The following PNPT1 variants were observed in gnomAD, a reference collection of about 807,000 sequenced individuals.
PNPT1 encodes polyribonucleotide nucleotidyltransferase 1, mitochondrial.
A neutral mutation model predicts 119.5 loss-of-function variants in PNPT1; 53 were observed. That is an observed-to-expected ratio of 0.44 (90% CI 0.36 to 0.56). The LOEUF is 0.56. Among genes scored for constraint, PNPT1 ranks in the 20% least tolerant of loss-of-function variants. PNPT1 has a pLI of 0.00. For synonymous variants in PNPT1, 357 were observed against 322.1 expected (o/e 1.11, Z -1.16); for missense variants, 948 against 938.5 (o/e 1.01, Z -0.13).
In PNPT1 at chr2:55,690,961, G is replaced by C. The variant is rs79201189; in HGVS notation, c.161+2702C>G. ...TAAGTAATGGTTTCATGAGGCAAATGTAAATCTGACATCTTGAAATTTTGT... is the reference window on the plus strand; with the variant it reads ...TAAGTAATGGTTTCATGAGGCAAATCTAAATCTGACATCTTGAAATTTTGT... On this transcript the variant is annotated intron_variant, in intron 1 of 27. Coordinates refer to ENST00000447944, the MANE Select transcript of PNPT1 (RefSeq NM_033109.5). Among the ~76,000 whole-genome samples, 69 of 152,320 alleles carry C rather than the reference G, an allele frequency of 4.5e-4. 1 individual carries two copies. In the East Asian group the frequency reaches 9.8e-3, roughly 22 times the overall value.
intron 8 of PNPT1, among the ~76,000 whole-genome samples, chr2:55,676,744 C>T (rs1697084695): frequency 6.6e-6 from 1 of 151,976 alleles, no homozygotes; most frequent in Admixed American, 6.6e-5. Context: ...CGCCTGTAAT[C>T]CCAGCTACTC....
intron 13 of PNPT1, among the ~76,000 whole-genome samples, chr2:55,662,445 G>A (rs1048479095): frequency 2.0e-5 from 3 of 152,198 alleles, no homozygotes; most frequent in African/African-American, 7.2e-5. Flanking sequence ...GGGAGGCTGA[G>A]GCGGGCAGAT....
At chr2:55,685,916 A>C (rs976310172) in intron 3 of PNPT1, among the ~76,000 whole-genome samples, 1 of 152,240 alleles carries the variant, frequency 6.6e-6, no homozygotes, top group African/African-American at 2.4e-5. Context: ...AATAGTTTTT[A>C]TACCGTATTG....
At chr2:55,643,871 T>A (rs1338349293) in intron 23 of PNPT1, among the ~76,000 whole-genome samples, 13 of 152,186 alleles carry the variant, frequency 8.5e-5, no homozygotes. Flanking sequence ...ATGAAGGAAT[T>A]CATTCATCAA....
chr2:55,684,920 A>ACG, intron 4 of PNPT1, 23 bp downstream of exon 4: 1 of 1,502,696 alleles, frequency 6.7e-7, no homozygotes, highest in Non-Finnish European at 9.0e-7. Context: ...GAGAAGATGA[A>ACG]CGCCTCTATG....
chr2:55,665,174 G>A (rs1015736323), intron 13 of PNPT1, among the ~76,000 whole-genome samples: 4 of 152,256 alleles, frequency 2.6e-5, no homozygotes, highest in South Asian at 2.1e-4. Context: ...CTATCATATG[G>A]TGACATCACA....
chr2:55,665,585 A>C (rs1408390867), intron 13 of PNPT1, among the ~76,000 whole-genome samples: 1 of 152,240 alleles, frequency 6.6e-6, no homozygotes, highest in African/African-American at 2.4e-5. Flanking sequence ...ATATGGACAG[A>C]AAATTCATAA....
At chr2:55,672,511 G>C (rs1279305805) in intron 9 of PNPT1, among the ~76,000 whole-genome samples, 1 of 152,164 alleles carries the variant, frequency 6.6e-6, no homozygotes, top group Non-Finnish European at 1.5e-5. Flanking sequence ...CATTTACTGA[G>C]TGTCTGCCTA....
At chr2:55,677,772 C>T (rs1343492139) in intron 8 of PNPT1, among the ~76,000 whole-genome samples, 2 of 151,928 alleles carry the variant, frequency 1.3e-5, no homozygotes, top group East Asian at 3.9e-4. Context: ...CAGAGTCTCG[C>T]TCTGTTGCCC....
intron 11 of PNPT1, 84 bp from the exon 12 acceptor site, chr2:55,668,042 C>CTT: frequency 8.4e-7 from 1 of 1,192,814 alleles, no homozygotes; most frequent in Non-Finnish European, 1.2e-6. Flanking sequence ...ATAATATCAA[C>CTT]TAACTACGGG....
chr2:55,662,063 C>A, intron 13 of PNPT1, 37 bp from the exon 14 acceptor site: 2 of 1,476,008 alleles, frequency 1.4e-6, no homozygotes, highest in Admixed American at 2.7e-5. Context: ...CTTTAATATA[C>A]TAACCACAAA....
chr2:55,689,723 AT>A (rs143895646), intron 1 of PNPT1, among the ~76,000 whole-genome samples: 3,648 of 152,260 alleles, frequency 0.024, 149 homozygotes, highest in African/African-American at 0.083. Flanking sequence ...CTACTAATGA[AT>A]TTCTTTTTAG....
At chr2:55,692,606 C>CT (rs1419150028) in intron 1 of PNPT1, among the ~76,000 whole-genome samples, 2 of 152,172 alleles carry the variant, frequency 1.3e-5, no homozygotes, top group East Asian at 1.9e-4. Flanking sequence ...ATAATACTAA[C>CT]TTTTTTATAG....
intron 18 of PNPT1, among the ~76,000 whole-genome samples, chr2:55,651,397 G>A (rs1280650079): frequency 6.6e-6 from 1 of 152,114 alleles, no homozygotes; most frequent in Non-Finnish European, 1.5e-5. Flanking sequence ...GAAAGAGGTA[G>A]ACGTGGGAGA....
At chr2:55,681,953 A>AAC (rs1014568980) in intron 5 of PNPT1, among the ~76,000 whole-genome samples, 1 of 152,032 alleles carries the variant, frequency 6.6e-6, no homozygotes, top group Admixed American at 6.6e-5. Context: ...CATCCTGCCT[A>AAC]ACACGGTGAA....
intron 8 of PNPT1, 39 bp downstream of exon 8, chr2:55,679,643 G>T: frequency 7.1e-7 from 1 of 1,399,546 alleles, no homozygotes; most frequent in Non-Finnish European, 1.0e-6. Flanking sequence ...GAACTTGTAA[G>T]TAAAATCCAG....
intron 18 of PNPT1, among the ~76,000 whole-genome samples, chr2:55,649,112 C>A (rs1349945117): frequency 6.6e-6 from 1 of 152,130 alleles, no homozygotes; most frequent in Non-Finnish European, 1.5e-5. Flanking sequence ...TCAGACATCT[C>A]CAGCTAAATG....
At chr2:55,663,893 G>A (rs140089439) in intron 13 of PNPT1, among the ~76,000 whole-genome samples, 1 of 152,142 alleles carries the variant, frequency 6.6e-6, no homozygotes, top group Non-Finnish European at 1.5e-5. Context: ...TGAGGCAGGA[G>A]AATGGCAGGG....
intron 10 of PNPT1, among the ~76,000 whole-genome samples, 162 bp from the exon 11 acceptor site, chr2:55,671,538 T>G (rs1696914199): frequency 6.6e-6 from 1 of 152,252 alleles, no homozygotes; most frequent in South Asian, 2.1e-4. Flanking sequence ...TACTACATGT[T>G]AATTCATTCA....
Sources: gnomAD v4.1 joint callset for allele counts (sites outside exome capture counted in the v4.1 genomes callset) on GRCh38, gnomAD v4.1.1 for gene constraint, MANE v1.5 for transcripts, NCBI Gene and HGNC (gene_info 2026-07-23, HGNC 2026-07-21) for gene names.